TTC1: variants seen among roughly 807,000 people sequenced by gnomAD.
TTC1 encodes the protein tetratricopeptide repeat protein 1.
In TTC1, 31 loss-of-function variants were observed where a neutral mutation model predicts 37.6. That is an observed-to-expected ratio of 0.82 (90% CI 0.62 to 1.11). TTC1 has a LOEUF of 1.11. Ranked by LOEUF, TTC1 falls within the 50% of genes most tolerant of loss-of-function variation. TTC1 has a pLI of 0.00. For synonymous variants in TTC1, 127 were observed against 122.4 expected (o/e 1.04, Z -0.25); for missense variants, 351 against 339.0 (o/e 1.04, Z -0.28).
intron 7 of TTC1, among the ~76,000 whole-genome samples, 177 bp from the exon 8 acceptor site, chr5:160,064,755 T>A (rs1372149578): frequency 3.3e-5 from 5 of 152,208 alleles, no homozygotes; most frequent in East Asian, 3.9e-4. Flanking sequence ...CACTGCTGAG[T>A]GGGGAATAGG....
At chr5:160,039,386 C>T (rs74770626) in intron 4 of TTC1, among the ~76,000 whole-genome samples, 9,996 of 149,410 alleles carry the variant, frequency 0.067, 385 homozygotes, top group East Asian at 0.12. Flanking sequence ...TGTTTTGTCA[C>T]TATATATTAT....
intron 2 of TTC1, chr5:160,024,055 T>C: frequency 4.2e-6 from 5 of 1,183,502 alleles, no homozygotes; most frequent in Non-Finnish European, 6.3e-6. Context: ...ATCAATATAC[T>C]CTGGTTAGCA....
At chr5:160,013,742 CAA>C (rs35968051) in intron 2 of TTC1, among the ~76,000 whole-genome samples, 2,400 of 92,078 alleles carry the variant, frequency 0.026, 48 homozygotes, top group African/African-American at 0.072. Context: ...GACTCTGTCT[CAA>C]AAAAAAAAAA....
chr5:160,065,092 G>A lies in TTC1; in HGVS notation c.*27G>A. 1 of 1,602,074 alleles carries A rather than the reference G, an allele frequency of 6.2e-7. No homozygotes were observed. Among genetic ancestry groups the A allele is most frequent in the South Asian group, 1.1e-5 (1 of 88,470 alleles). ...AAAGATAACAAAAGCTTTACAAGCTGACTTGGAATTGTGTGCTGCTTGCTG... is the reference window on the plus strand; with the variant it reads ...AAAGATAACAAAAGCTTTACAAGCTAACTTGGAATTGTGTGCTGCTTGCTG... On this transcript the variant is annotated 3_prime_UTR_variant, in exon 8 of 8. Coordinates refer to ENST00000231238, the MANE Select transcript of TTC1 (RefSeq NM_003314.3).
chr5:160,051,828 C>A (rs1757411259), intron 7 of TTC1, among the ~76,000 whole-genome samples: 3 of 152,202 alleles, frequency 2.0e-5, no homozygotes, highest in Admixed American at 2.0e-4. Flanking sequence ...CCACATGTAA[C>A]CTGTCTGATA....
At chr5:160,032,702 CTTTTTTTT>C (rs70987990) in intron 2 of TTC1, among the ~76,000 whole-genome samples, 4 of 74,712 alleles carry the variant, frequency 5.4e-5, no homozygotes, top group East Asian at 4.5e-4. Context: ...TACCTGCTTT[CTTTTTTTT>C]TTTTTTTTTT....
Position 160,057,884 on chromosome 5 carries a change from C to T in TTC1, c.745+6701C>T, listed in dbSNP as rs143137693. On this transcript the variant is annotated intron_variant, in intron 7 of 7. Transcript: ENST00000231238. The surrounding 1 kb of genome is among the most constrained non-coding windows in gnomAD (Gnocchi z 4.4). ...CTGGGTTCAAACAATTCTTCTGCCT[C>T]AGCCTCCCAAGTAGCTGGGATTACA... is the stretch of plus-strand genomic sequence containing the variant. Among the ~76,000 whole-genome samples, 713 of 152,282 alleles carry T rather than the reference C, an allele frequency of 4.7e-3. 9 individuals carry two copies. Among genetic ancestry groups the T allele is most frequent in the African/African-American group, 0.016 (676 of 41,558 alleles).
intron 2 of TTC1, among the ~76,000 whole-genome samples, chr5:160,034,088 C>G (rs1756963044): frequency 6.7e-6 from 1 of 150,142 alleles, no homozygotes; most frequent in African/African-American, 2.5e-5. Context: ...TGAATAGACA[C>G]TGCACTCTAG....
In TTC1 at chr5:160,010,597, T is replaced by C; in HGVS notation, c.69T>C (p.Thr23=). ...TAAATGGTTTGAAGGTTACAGATAC[T>C]CAGGAAGCCGAGTGTGCTGGCCCTC... The part of the protein sequence containing the change: ...DLLNGLKVTD[T]QEAECAGPPV... The change falls in exon 2 of 8, where the codon ACT becomes ACC. Residue 23 remains threonine (T), a synonymous_variant. Transcript: ENST00000231238. 1 of 1,614,098 alleles carries C rather than the reference T, an allele frequency of 6.2e-7. No homozygotes were observed. Among genetic ancestry groups the C allele is most frequent in the Non-Finnish European group, 8.5e-7 (1 of 1,180,020 alleles).
chr5:160,061,156 G>T (rs530646130), intron 7 of TTC1, among the ~76,000 whole-genome samples: 73 of 152,340 alleles, frequency 4.8e-4, no homozygotes, highest in African/African-American at 1.7e-3. Context: ...CACACAGCTC[G>T]CCTGCCTATC....
chr5:160,020,891 A>G (rs886414050), intron 2 of TTC1, among the ~76,000 whole-genome samples: 1 of 152,240 alleles, frequency 6.6e-6, no homozygotes, highest in Admixed American at 6.5e-5. Context: ...ATGTGCTTGA[A>G]TCATTATGAA....
chr5:160,046,872 C>T (rs992079842), intron 5 of TTC1, among the ~76,000 whole-genome samples: 14 of 152,008 alleles, frequency 9.2e-5, no homozygotes, highest in Non-Finnish European at 8.8e-5. Flanking sequence ...ATTAGCAGGG[C>T]ATGGCGGCAC....
intron 2 of TTC1, among the ~76,000 whole-genome samples, chr5:160,022,191 T>C (rs1384155575): frequency 1.3e-5 from 2 of 152,206 alleles, no homozygotes; most frequent in African/African-American, 4.8e-5. Flanking sequence ...TTAATAATGA[T>C]AGATGGGGTA....
At position 160,065,300 on chromosome 5, in the gene TTC1, C is replaced by A; in HGVS notation, c.*235C>A. The A allele has an allele frequency of 1.5e-6, 1 of 670,354 alleles. No individual in the cohort carries two copies. The highest frequency in any genetic ancestry group is 2.7e-6 in the Non-Finnish European group (1 of 377,242). 41.5% of individuals were successfully genotyped at this position (670,354 alleles called of 1,614,324 possible). On this transcript the variant is annotated 3_prime_UTR_variant, in exon 8 of 8. Transcript: ENST00000231238. ...AGGTGGTGTCTGTGCAGCTGGTGTCCCCGATTCTGGCTGTCCTATGTCCAG... is the reference window on the plus strand; with the variant it reads ...AGGTGGTGTCTGTGCAGCTGGTGTCACCGATTCTGGCTGTCCTATGTCCAG...
intron 2 of TTC1, among the ~76,000 whole-genome samples, chr5:160,015,499 G>T (rs564447818): frequency 1.3e-5 from 2 of 152,116 alleles, no homozygotes; most frequent in Non-Finnish European, 2.9e-5. Context: ...GAGCTGCTGC[G>T]CCTGGCCTAT....
At position 160,011,088 on chromosome 5, in the gene TTC1, T is replaced by C. The variant is rs185948097; in HGVS notation, c.330+230T>C. 1.2e-3 allele frequency among the ~76,000 whole-genome samples: 186 copies of C among 152,386 alleles called. 3 individuals are homozygous for C. In the Middle Eastern group the frequency reaches 0.017, roughly 14 times the overall value. On this transcript the variant is annotated intron_variant, in intron 2 of 7. Transcript: ENST00000231238. ...ATTATTTTCTGTGAACCTTCAGTTA[T>C]GTTCATCTTGTACTTCAGGAGTCTG... is the stretch of plus-strand genomic sequence containing the variant.
chr5:160,021,277 T>G (rs1470444900), intron 2 of TTC1, among the ~76,000 whole-genome samples: 1 of 152,168 alleles, frequency 6.6e-6, no homozygotes, highest in Non-Finnish European at 1.5e-5. Context: ...GGGAAACAGA[T>G]CCAGATGGAC....
At position 160,047,242 on chromosome 5, in the gene TTC1, C is replaced by T. The variant is rs1262580370; in HGVS notation, c.542-2272C>T. ...TGTCTGGTAGGCACCTCAGATTTAA[C>T]GTGCCCAGCCCCCACACACACACAA... On this transcript the variant is annotated intron_variant, in intron 5 of 7. Transcript: ENST00000231238. 2.6e-5 allele frequency among the ~76,000 whole-genome samples: 4 copies of T among 152,124 alleles called. No homozygotes were observed. The East Asian group carries it at 5.8e-4, about 22-fold the overall frequency.
At chr5:160,021,316 G>A (rs1463905515) in intron 2 of TTC1, among the ~76,000 whole-genome samples, 2 of 152,204 alleles carry the variant, frequency 1.3e-5, no homozygotes, top group Admixed American at 6.5e-5. Context: ...AAAACAAGAA[G>A]TATTGACCTA....
Sources: gnomAD v4.1 joint callset for allele counts (sites outside exome capture counted in the v4.1 genomes callset) on GRCh38, gnomAD v4.1.1 for gene constraint, Gnocchi (gnomAD v3.1) non-coding constraint, MANE v1.5 for transcripts, NCBI Gene and HGNC (gene_info 2026-07-23, HGNC 2026-07-21) for gene names.